GPAT3: variants seen among roughly 807,000 people sequenced by gnomAD.
GPAT3 encodes 1-AGP acyltransferase 9.
Under a neutral mutation model 58.8 loss-of-function variants are expected in GPAT3, and 53 were observed. The observed-to-expected ratio is 0.90, with a 90% CI of 0.72 to 1.13. The LOEUF (loss-of-function observed/expected upper bound fraction) is 1.13, where lower values mean the gene tolerates loss of function less well. GPAT3 is among the 50% of genes most tolerant of loss of function. The probability of loss-of-function intolerance (pLI) is 0.00; values close to 1 mark genes in which losing one functional copy is unlikely to be tolerated. For missense variants in GPAT3, 511 were observed against 527.6 expected (o/e 0.97, Z 0.31); for synonymous variants, 197 against 187.4 (o/e 1.05, Z -0.42).
At chr4:83,557,725 G>A (rs1425565408) in intron 2 of GPAT3, among the ~76,000 whole-genome samples, 1 of 152,198 alleles carries the variant, frequency 6.6e-6, no homozygotes, top group African/African-American at 2.4e-5. Flanking sequence ...CTGGAGGATA[G>A]ATAGGGGTTC....
Position 83,604,879 on chromosome 4 carries a change from G to C in GPAT3, c.*112G>C. The C allele has an allele frequency of 1.1e-6, 1 of 918,060 alleles. No individual in the cohort carries two copies. Among genetic ancestry groups the C allele is most frequent in the Non-Finnish European group, 1.6e-6 (1 of 618,474 alleles). 56.9% of individuals were successfully genotyped at this position (918,060 alleles called of 1,614,324 possible). On this transcript the variant is annotated 3_prime_UTR_variant, in exon 12 of 12. Coordinates refer to ENST00000264409, the MANE Select transcript of GPAT3 (RefSeq NM_032717.5). ...TTTATTATTGTTAATCTTTTCTACAGAATGATTGTCTCTACCTCTTTATGC... is the reference window on the plus strand; with the variant it reads ...TTTATTATTGTTAATCTTTTCTACACAATGATTGTCTCTACCTCTTTATGC...
At chr4:83,570,471 CTT>C (rs11417042) in intron 2 of GPAT3, among the ~76,000 whole-genome samples, 51 of 126,602 alleles carry the variant, frequency 4.0e-4, no homozygotes, top group East Asian at 3.7e-3. Context: ...TGGGAGAACT[CTT>C]TTTTTTTTTT....
chr4:83,562,795 T>TATAG (rs59104462), intron 2 of GPAT3, among the ~76,000 whole-genome samples: 13,663 of 150,568 alleles, frequency 0.091, 1,862 homozygotes, highest in African/African-American at 0.29. Flanking sequence ...TAGAAAGAGA[T>TATAG]ATAGATAGAT....
In GPAT3 at chr4:83,596,851, T is replaced by C. The variant is rs149834969; in HGVS notation, c.855-7T>C. On this transcript the variant is annotated splice_polypyrimidine_tract_variant and splice_region_variant and intron_variant, in intron 7 of 11. Coordinates refer to ENST00000264409, the MANE Select transcript of GPAT3 (RefSeq NM_032717.5). The stretch of plus-strand genomic sequence containing the variant: ...AGGCAGAATTTTGATCCTTTTTTTT[T>C]CCATAGACTAAAAGAACATATTGCT... 3.7e-3 allele frequency: 5,969 copies of C among 1,605,202 alleles called. 8 individuals carry two copies. The highest frequency in any genetic ancestry group is 4.4e-3 in the Non-Finnish European group (5,205 of 1,175,772).
intron 6 of GPAT3, among the ~76,000 whole-genome samples, chr4:83,591,181 G>C (rs999852236): frequency 1.3e-5 from 2 of 152,104 alleles, no homozygotes; most frequent in African/African-American, 4.8e-5. Flanking sequence ...TTCTGGGAAG[G>C]CATTTGAAGG....
intron 6 of GPAT3, among the ~76,000 whole-genome samples, chr4:83,591,541 A>G (rs1054141877): frequency 5.3e-5 from 8 of 152,344 alleles, no homozygotes; most frequent in African/African-American, 1.9e-4. Context: ...TAAAGAAAAA[A>G]ACTAACCATA....
At chr4:83,563,583 G>A (rs1202403347) in intron 2 of GPAT3, among the ~76,000 whole-genome samples, 1 of 147,764 alleles carries the variant, frequency 6.8e-6, no homozygotes, top group Non-Finnish European at 1.5e-5. Flanking sequence ...CCAGGTCCAA[G>A]CGATTCTCCT....
intron 2 of GPAT3, among the ~76,000 whole-genome samples, chr4:83,572,470 A>G (rs1171269235): frequency 6.6e-6 from 1 of 152,258 alleles, no homozygotes; most frequent in South Asian, 2.1e-4. Flanking sequence ...AATTTGCTAC[A>G]TCTATTCTTT....
Position 83,588,158 on chromosome 4 carries a change from G to T in GPAT3, c.555-52G>T, listed in dbSNP as rs924559723. 77 of 1,520,376 alleles carry T rather than the reference G, an allele frequency of 5.1e-5. No individual in the cohort carries two copies. The African/African-American group carries it at 8.2e-4, about 16-fold the overall frequency. 94.2% of individuals were successfully genotyped at this position (1,520,376 alleles called of 1,614,324 possible). Reference sequence around the variant, plus strand: ...AGCACATTAAAACCTTTATTATATTGTTTCTTAAGAGTGCCCAGAATGGCA... The same window carrying T: ...AGCACATTAAAACCTTTATTATATTTTTTCTTAAGAGTGCCCAGAATGGCA... On this transcript the variant is annotated intron_variant, in intron 4 of 11. Transcript: ENST00000264409.
intron 10 of GPAT3, 62 bp from the exon 11 acceptor site, chr4:83,598,582 G>T: frequency 7.9e-7 from 1 of 1,261,710 alleles, no homozygotes; most frequent in East Asian, 2.3e-5. Flanking sequence ...AAATGATTAT[G>T]AGATGGTATT....
intron 3 of GPAT3, among the ~76,000 whole-genome samples, chr4:83,582,944 A>T (rs911152059): frequency 6.6e-6 from 1 of 152,184 alleles, no homozygotes; most frequent in Admixed American, 6.5e-5. Flanking sequence ...GTACTCTGGG[A>T]GTGTACAAGA....
At chr4:83,573,508 G>T (rs1446003289) in intron 2 of GPAT3, among the ~76,000 whole-genome samples, 1 of 152,174 alleles carries the variant, frequency 6.6e-6, no homozygotes, top group Admixed American at 6.5e-5. Context: ...CCTTGACATT[G>T]AATATTTCTG....
At chr4:83,591,135 A>G (rs546024827) in intron 6 of GPAT3, among the ~76,000 whole-genome samples, 1 of 152,028 alleles carries the variant, frequency 6.6e-6, no homozygotes, top group Non-Finnish European at 1.5e-5. Context: ...TTCACTTACC[A>G]GTTCCAGGGA....
In GPAT3 at chr4:83,589,725, A is replaced by G. The variant is rs1190795873; in HGVS notation, c.645-474A>G. Among the ~76,000 whole-genome samples, 3 of 152,068 alleles carry G rather than the reference A, an allele frequency of 2.0e-5. 1 individual carries two copies. The highest frequency in any genetic ancestry group is 2.0e-4 in the Admixed American group (3 of 15,252). The stretch of plus-strand genomic sequence containing the variant: ...GGAAAAATCATGGGCCCCCTACCAC[A>G]CTCTCATCACACTACCTAGAGATCA... On this transcript the variant is annotated intron_variant, in intron 5 of 11. Transcript: ENST00000264409.
chr4:83,566,772 TC>T (rs993272394), intron 2 of GPAT3, among the ~76,000 whole-genome samples: 6 of 151,548 alleles, frequency 4.0e-5, no homozygotes, highest in African/African-American at 1.5e-4. Flanking sequence ...TCTTTTTTTT[TC>T]CCCCATTTGT....
rs1726153637 is a variant in GPAT3 at position 83,581,969 on chromosome 4, T to G, written c.479+137T>G. The stretch of plus-strand genomic sequence containing the variant: ...GTAGGAAATGCCACCAAACATGACC[T>G]CTAAAGGAATGTATTACGTATCCAT... On this transcript the variant is annotated intron_variant, in intron 3 of 11. Transcript: ENST00000264409. The G allele has an allele frequency of 2.5e-6, 3 of 1,190,458 alleles. No individual in the cohort carries two copies. In the African/African-American group the frequency reaches 4.6e-5, roughly 18 times the overall value. 73.7% of individuals were successfully genotyped at this position (1,190,458 alleles called of 1,614,324 possible).
rs1727233870 is a variant in GPAT3, at chr4:83,605,839, C to T, written c.*1072C>T. The T allele has an allele frequency of 6.6e-6, 1 of 152,376 alleles. No individual in the cohort carries two copies. Among genetic ancestry groups the T allele is most frequent in the Non-Finnish European group, 1.5e-5 (1 of 68,022 alleles). The allele number at this position is 152,376 out of a possible 1,614,324, so 9.4% of individuals were successfully genotyped here. A position where few individuals can be genotyped will look rare whatever the true frequency, so the allele number is the denominator to read the frequency against. On this transcript the variant is annotated 3_prime_UTR_variant, in exon 12 of 12. Coordinates refer to ENST00000264409, the MANE Select transcript of GPAT3 (RefSeq NM_032717.5). ...TGGTAACCATGTACAGAATGTGAAACTGTCTTATGAATATAAATAAATTCT... is the reference window on the plus strand; with the variant it reads ...TGGTAACCATGTACAGAATGTGAAATTGTCTTATGAATATAAATAAATTCT...
At chr4:83,581,953 G>C (rs1353797596) in intron 3 of GPAT3, 121 bp downstream of exon 3, 1 of 1,340,084 alleles carries the variant, frequency 7.5e-7, no homozygotes, top group African/African-American at 1.5e-5. Flanking sequence ...CGTAGGAAAT[G>C]CCACCAAACA....
chr4:83,584,546 G>A (rs562865064), intron 3 of GPAT3, among the ~76,000 whole-genome samples: 4 of 152,124 alleles, frequency 2.6e-5, no homozygotes, highest in Non-Finnish European at 4.4e-5. Context: ...ATGAGATAGA[G>A]TCTCACTCCA....
Sources: gnomAD v4.1 joint callset for allele counts (sites outside exome capture counted in the v4.1 genomes callset) on GRCh38, gnomAD v4.1.1 for gene constraint, MANE v1.5 for transcripts, NCBI Gene and HGNC (gene_info 2026-07-23, HGNC 2026-07-21) for gene names.